The following EVI5 variants were observed in gnomAD, a reference collection of about 807,000 sequenced individuals.
EVI5 encodes the protein ecotropic viral integration site 5 protein homolog.
In EVI5, 73 loss-of-function variants were observed where a neutral mutation model predicts 112.0. The ratio of observed to expected loss-of-function variants is 0.65; its 90% confidence interval spans 0.54 to 0.79. The LOEUF (loss-of-function observed/expected upper bound fraction) is 0.79, where lower values mean the gene tolerates loss of function less well. Ranked by LOEUF, EVI5 falls within the 30% of genes least tolerant of loss-of-function variation. The pLI, the probability that EVI5 is intolerant of heterozygous loss-of-function variation, is 0.00. For missense variants in EVI5, 900 were observed against 968.8 expected (o/e 0.93, Z 0.94); for synonymous variants, 305 against 319.9 (o/e 0.95, Z 0.50).
chr1:92,583,223 T>C (rs1672229828), intron 18 of EVI5, among the ~76,000 whole-genome samples: 1 of 152,012 alleles, frequency 6.6e-6, no homozygotes, highest in Non-Finnish European at 1.5e-5. Flanking sequence ...AAAAATAACC[T>C]TGGGGTCAGG....
chr1:92,724,531 G>T (rs930382991), intron 2 of EVI5, among the ~76,000 whole-genome samples: 24 of 152,134 alleles, frequency 1.6e-4, no homozygotes, highest in African/African-American at 5.8e-4. Flanking sequence ...CTTTAGGCTT[G>T]GCACACTCAT....
At chr1:92,602,276 A>T (rs1226960643) in intron 18 of EVI5, among the ~76,000 whole-genome samples, 2 of 152,240 alleles carry the variant, frequency 1.3e-5, no homozygotes, top group Non-Finnish European at 2.9e-5. Flanking sequence ...CAATATAATT[A>T]AAGACTTTGA....
intron 1 of EVI5, among the ~76,000 whole-genome samples, chr1:92,742,147 A>G (rs1678510135): frequency 6.6e-6 from 1 of 152,170 alleles, no homozygotes; most frequent in Admixed American, 6.5e-5. Flanking sequence ...AAAGATGAGC[A>G]AAGGATTTGA....
chr1:92,761,572 C>T (rs960744958), intron 1 of EVI5, among the ~76,000 whole-genome samples: 1 of 152,104 alleles, frequency 6.6e-6, no homozygotes. Context: ...ACTCTGAGCC[C>T]ATAAAAAACC....
chr1:92,568,081 A>G (rs116548207), intron 18 of EVI5, among the ~76,000 whole-genome samples: 3,157 of 152,216 alleles, frequency 0.021, 124 homozygotes, highest in African/African-American at 0.071. Flanking sequence ...CCAGTTTAAA[A>G]ATAAATTTCT....
intron 16 of EVI5, among the ~76,000 whole-genome samples, chr1:92,611,848 G>A (rs1335712577): frequency 6.6e-6 from 1 of 151,982 alleles, no homozygotes; most frequent in African/African-American, 2.4e-5. Context: ...GCTTGAGGCT[G>A]TAGTGAGATA....
At chr1:92,726,615 A>C (rs1456197299) in intron 2 of EVI5, among the ~76,000 whole-genome samples, 1 of 152,218 alleles carries the variant, frequency 6.6e-6, no homozygotes, top group Non-Finnish European at 1.5e-5. Flanking sequence ...ATCTAAAGAA[A>C]GGACAGAAGA....
Position 92,671,972 on chromosome 1 carries a change from GA to G in EVI5, c.1158+5185del, listed in dbSNP as rs145955280. Among the ~76,000 whole-genome samples, 9 of 148,188 alleles carry G rather than the reference GA, an allele frequency of 6.1e-5. No individual in the cohort carries two copies. In the East Asian group the frequency reaches 9.8e-4, roughly 16 times the overall value. On this transcript the variant is annotated intron_variant, in intron 10 of 19. Coordinates refer to ENST00000684568, the MANE Select transcript of EVI5 (RefSeq NM_001350197.2). ...CATGCACCACCATGCCTGGCAATTT[GA>G]AAAAAAAAATTTGTGGAGACAGGGG...
intron 16 of EVI5, among the ~76,000 whole-genome samples, chr1:92,616,063 A>G (rs1653056715): frequency 6.6e-6 from 1 of 152,186 alleles, no homozygotes; most frequent in Admixed American, 6.5e-5. Context: ...GTTAGTTGAA[A>G]GACGGACTAG....
intron 19 of EVI5, among the ~76,000 whole-genome samples, chr1:92,534,029 C>A (rs1411867396): frequency 5.3e-5 from 8 of 152,164 alleles, no homozygotes; most frequent in Non-Finnish European, 8.8e-5. Flanking sequence ...ACTTAGAAAA[C>A]CCCATTGTCT....
At chr1:92,698,024 C>T (rs775948783) in intron 5 of EVI5, 39 bp from the exon 6 acceptor site, 3 of 1,572,350 alleles carry the variant, frequency 1.9e-6, no homozygotes, top group African/African-American at 1.4e-5. Context: ...GGTTAATGTT[C>T]TCTGATACAC....
intron 10 of EVI5, among the ~76,000 whole-genome samples, chr1:92,676,926 T>C (rs578176798): frequency 1.3e-5 from 2 of 152,342 alleles, no homozygotes; most frequent in South Asian, 4.1e-4. Context: ...AAGTGTTTTC[T>C]CCTGATGAGC....
intron 13 of EVI5, among the ~76,000 whole-genome samples, chr1:92,636,548 T>G (rs1334847050): frequency 6.6e-6 from 1 of 152,200 alleles, no homozygotes; most frequent in Non-Finnish European, 1.5e-5. Flanking sequence ...ATGACCACAT[T>G]ATTGGGTTTT....
chr1:92,663,316 G>A (rs773716720), intron 12 of EVI5, 104 bp downstream of exon 12: 37 of 498,380 alleles, frequency 7.4e-5, no homozygotes, highest in African/African-American at 2.6e-4. Context: ...CTAGAAAAAC[G>A]CATGTAAAAT....
chr1:92,595,654 A>C (rs1571789825), intron 18 of EVI5, among the ~76,000 whole-genome samples: 1 of 152,294 alleles, frequency 6.6e-6, no homozygotes, highest in East Asian at 1.9e-4. Context: ...GACAGATTTG[A>C]AGGATTCTTA....
chr1:92,605,304 T>C lies in EVI5; in HGVS notation c.2070+3A>G. 1 of 1,586,072 alleles carries C rather than the reference T, an allele frequency of 6.3e-7. No individual in the cohort carries two copies. Among genetic ancestry groups the C allele is most frequent in the Non-Finnish European group, 8.7e-7 (1 of 1,154,868 alleles). Reference sequence around the variant, plus strand: ...CATGTACTTTATTATTTTCATATGGTACCTGGATTTCAAGCTCAGCAATGT... The same window carrying C: ...CATGTACTTTATTATTTTCATATGGCACCTGGATTTCAAGCTCAGCAATGT... On this transcript the variant is annotated splice_donor_region_variant and intron_variant, in intron 18 of 19. Transcript: ENST00000684568.
At chr1:92,720,457 A>G (rs1278586706) in intron 2 of EVI5, among the ~76,000 whole-genome samples, 2 of 151,088 alleles carry the variant, frequency 1.3e-5, no homozygotes, top group African/African-American at 5.0e-5. Context: ...TGATGCTGGG[A>G]AAACTGGCTA....
At chr1:92,605,090 G>A (rs1438759985) in intron 18 of EVI5, among the ~76,000 whole-genome samples, 1 of 152,028 alleles carries the variant, frequency 6.6e-6, no homozygotes, top group Non-Finnish European at 1.5e-5. Flanking sequence ...TGGTGGTGAT[G>A]GCTGCACAAC....
chr1:92,748,234 G>C (rs1679612242), intron 1 of EVI5, among the ~76,000 whole-genome samples: 1 of 152,072 alleles, frequency 6.6e-6, no homozygotes, highest in Admixed American at 6.6e-5. Flanking sequence ...TTGGAATCTG[G>C]CTACCATGCT....
Sources: gnomAD v4.1 joint callset for allele counts (sites outside exome capture counted in the v4.1 genomes callset) on GRCh38, gnomAD v4.1.1 for gene constraint, MANE v1.5 for transcripts, NCBI Gene and HGNC (gene_info 2026-07-23, HGNC 2026-07-21) for gene names.